The following OTOF variants were observed in gnomAD, a reference collection of about 807,000 sequenced individuals.
The protein encoded by OTOF is fer-1-like family member 2.
A neutral mutation model predicts 236.8 loss-of-function variants in OTOF; 218 were observed. The ratio of observed to expected loss-of-function variants is 0.92; its 90% confidence interval spans 0.82 to 1.03. OTOF has a LOEUF of 1.03. Ranked by LOEUF, OTOF falls within the 50% of genes least tolerant of loss-of-function variation. The probability of loss-of-function intolerance (pLI) is 0.00; values close to 1 mark genes in which losing one functional copy is unlikely to be tolerated. For synonymous variants in OTOF, 1,041 were observed against 1,072.5 expected (o/e 0.97, Z 0.57); for missense variants, 2,590 against 2,694.4 (o/e 0.96, Z 0.86).
rs759001130 is a variant in OTOF at position 26,462,090 on chromosome 2, C to A, written c.5284G>T (p.Val1762Leu). The A allele has an allele frequency of 1.9e-6, 3 of 1,611,486 alleles. No individual in the cohort carries two copies. Among genetic ancestry groups the A allele is most frequent in the African/African-American group, 2.7e-5 (2 of 74,800 alleles). The change falls in exon 42 of 47, where the codon GTG becomes TTG. Residue 1762 changes from valine (V) to leucine (L), a missense_variant. Coordinates refer to ENST00000272371, the MANE Select transcript of OTOF (RefSeq NM_194248.3). This position sits in a 1 kb window ranked among gnomAD's most constrained non-coding sequence, Gnocchi z 4.7. ...FTGEKSSDIF[V>L]RGWLKGQQED... ...CAGGGACTGCTCACCCACCCCCTCA[C>A]GAAGATGTCACTGGACTTCTCCCCT...
Position 26,467,143 on chromosome 2 carries a change from C to T in OTOF, c.4318G>A (p.Glu1440Lys). The change falls in exon 35 of 47, where the codon GAG becomes AAG. Residue 1440 changes from glutamate to lysine, a missense_variant. Glu to Lys is a moderately conservative substitution (Grantham distance 56, BLOSUM62 1). Transcript: ENST00000272371. The stretch of plus-strand genomic sequence containing the variant: ...CGCTCCTCCTCGGTGGAGCCATCCT[C>T]ATCATCCCCGGTCTTGCCCCGAAGC... ...NLLRGKTGDD[E>K]DGSTEEERIV... is the part of the protein sequence containing the mutation. 3 of 1,614,116 alleles carry T rather than the reference C, an allele frequency of 1.9e-6. No homozygotes were observed. Among genetic ancestry groups the T allele is most frequent in the African/African-American group, 1.3e-5 (1 of 75,046 alleles).
In OTOF at chr2:26,479,331, C is replaced by T. The variant is rs147657016; in HGVS notation, c.2147G>A (p.Ser716Asn). ...LERKPCIYIK[S>N]WWPDQRRRLY... ...GCGGCGGCGCTGGTCCGGCCACCAG[C>T]TCTTGATGTAGATGCAGGGCTTTCG... Residue 716 changes from serine to asparagine, a missense_variant, in exon 18 of 47, where the codon AGC becomes AAC. Coordinates refer to ENST00000272371, the MANE Select transcript of OTOF (RefSeq NM_194248.3). The T allele has an allele frequency of 8.1e-6, 13 of 1,612,800 alleles. No homozygotes were observed. In the African/African-American group the frequency reaches 1.3e-4, roughly 17 times the overall value.
intron 5 of OTOF, chr2:26,510,556 TG>T: frequency 5.2e-6 from 2 of 387,614 alleles, no homozygotes; most frequent in Non-Finnish European, 9.6e-6. Context: ...AAGGCCTCCC[TG>T]GGCCTCCATG....
In OTOF at chr2:26,476,874, C is replaced by T; in HGVS notation, c.2676+17G>A. 3 of 1,605,292 alleles carry T rather than the reference C, an allele frequency of 1.9e-6. No homozygotes were observed. The highest frequency in any genetic ancestry group is 2.5e-6 in the Non-Finnish European group (3 of 1,179,116). On this transcript the variant is annotated intron_variant, in intron 22 of 46. Coordinates refer to ENST00000272371, the MANE Select transcript of OTOF (RefSeq NM_194248.3). The stretch of plus-strand genomic sequence containing the variant: ...TGAAAGGACCCAGGCCCCCATCCAT[C>T]CTGCCCCCTCCAGCACCTTAAGGAA...
Position 26,474,504 on chromosome 2 carries a change from C to A in OTOF, c.3288+9G>T. On this transcript the variant is annotated intron_variant, in intron 26 of 46. Coordinates refer to ENST00000272371, the MANE Select transcript of OTOF (RefSeq NM_194248.3). ...CCCAGGCCTCAGCCCCTCTTCCCTGCAGTCCCACCTGCAGCAGCTCGAAGG... is the reference window on the plus strand; with the variant it reads ...CCCAGGCCTCAGCCCCTCTTCCCTGAAGTCCCACCTGCAGCAGCTCGAAGG... The A allele has an allele frequency of 6.3e-7, 1 of 1,592,694 alleles. No individual in the cohort carries two copies. The highest frequency in any genetic ancestry group is 8.5e-7 in the Non-Finnish European group (1 of 1,169,662).
At chr2:26,537,615 C>T in intron 2 of OTOF, 101 bp downstream of exon 2, 1 of 878,924 alleles carries the variant, frequency 1.1e-6, no homozygotes, top group Non-Finnish European at 1.9e-6. Context: ...CAGGCCAGTG[C>T]CTGGGATTTG....
chr2:26,463,931 CA>C (rs1245854823), intron 40 of OTOF, 32 bp downstream of exon 40: 1 of 1,612,764 alleles, frequency 6.2e-7, no homozygotes, highest in East Asian at 2.2e-5. Context: ...CCCCAATACC[CA>C]AGAACCCCAG....
intron 2 of OTOF, among the ~76,000 whole-genome samples, chr2:26,534,632 T>G (rs1343501652): frequency 6.6e-6 from 1 of 152,190 alleles, no homozygotes; most frequent in Non-Finnish European, 1.5e-5. Context: ...GTGAGAGACA[T>G]TTGCTTTCTT....
rs199687628 is a variant in OTOF, at chr2:26,489,746, G to A, written c.898-6C>T. On this transcript the variant is annotated splice_region_variant and splice_polypyrimidine_tract_variant and intron_variant, in intron 9 of 46. Transcript: ENST00000272371. ...TGGAAGTCGAAGACGAAGTACTGGA[G>A]GGGGAAGGATCCAGGCCTGCTGTCA... 26 of 1,610,878 alleles carry A rather than the reference G, an allele frequency of 1.6e-5. No individual in the cohort carries two copies. Among genetic ancestry groups the A allele is most frequent in the Non-Finnish European group, 2.0e-5 (24 of 1,178,062 alleles).
intron 8 of OTOF, among the ~76,000 whole-genome samples, chr2:26,499,895 A>G (rs1481981121): frequency 6.6e-6 from 1 of 152,236 alleles, no homozygotes; most frequent in African/African-American, 2.4e-5. Context: ...TTAATTGTGA[A>G]TGAACTTGTC....
At chr2:26,541,715 T>C (rs1296048140) in intron 1 of OTOF, among the ~76,000 whole-genome samples, 1 of 152,250 alleles carries the variant, frequency 6.6e-6, no homozygotes, top group Non-Finnish European at 1.5e-5. Context: ...CTTGTTGACA[T>C]TCCAGCTTCA....
chr2:26,477,955 G>C lies in OTOF; in HGVS notation c.2215-206C>G. The C allele has an allele frequency of 6.8e-7, 1 of 1,462,978 alleles. No homozygotes were observed. The highest frequency in any genetic ancestry group is 9.0e-7 in the Non-Finnish European group (1 of 1,110,242). The allele number at this position is 1,462,978 out of a possible 1,614,324, so 90.6% of individuals were successfully genotyped here. Reference sequence around the variant, plus strand: ...ACCTGGAGATGTTGGTGTTCATGGGGGTTCTTCAGTTCCTGAAGGAAGAAG... The same window carrying C: ...ACCTGGAGATGTTGGTGTTCATGGGCGTTCTTCAGTTCCTGAAGGAAGAAG... On this transcript the variant is annotated intron_variant, in intron 18 of 46. Transcript: ENST00000272371. The surrounding 1 kb of genome is among the most constrained non-coding windows in gnomAD (Gnocchi z 4.7).
chr2:26,526,450 G>A (rs1666806587), intron 3 of OTOF, among the ~76,000 whole-genome samples: 1 of 152,170 alleles, frequency 6.6e-6, no homozygotes, highest in Non-Finnish European at 1.5e-5. Flanking sequence ...TTGATGGACA[G>A]ACAAATGGAT....
At chr2:26,492,536 C>T (rs536283151) in intron 9 of OTOF, among the ~76,000 whole-genome samples, 2 of 152,292 alleles carry the variant, frequency 1.3e-5, no homozygotes, top group South Asian at 2.1e-4. Flanking sequence ...AGGGGACCTG[C>T]GCAGGGCGGA....
chr2:26,491,791 C>G (rs1170882570), intron 9 of OTOF, among the ~76,000 whole-genome samples: 1 of 152,244 alleles, frequency 6.6e-6, no homozygotes, highest in East Asian at 1.9e-4. Flanking sequence ...CAGGGCCAGG[C>G]AGGGTGATCA....
chr2:26,477,728 G>A lies in OTOF; in HGVS notation c.2236C>T (p.Gln746Ter), dbSNP rs770374932. 2 of 1,612,712 alleles carry A rather than the reference G, an allele frequency of 1.2e-6. No individual in the cohort carries two copies. The highest frequency in any genetic ancestry group is 1.1e-5 in the South Asian group (1 of 91,090). ...DKLEEGLNDI[Q>*]EMIKTEKSYP... ...GACTTCTCCGTTTTGATCATCTCCT[G>A]TATGTCGTTCAGGCCTTCTTCCTGT... The change falls in exon 19 of 47, where the codon CAG becomes TAG. Residue 746 changes from glutamine (Q) to a stop codon, truncating the protein, a stop_gained. Coordinates refer to ENST00000272371, the MANE Select transcript of OTOF (RefSeq NM_194248.3). LOFTEE classifies it high-confidence loss of function. This position sits in a 1 kb window ranked among gnomAD's most constrained non-coding sequence, Gnocchi z 4.7.
At chr2:26,475,534 G>C (rs556992358) in intron 24 of OTOF, 41 bp from the exon 25 acceptor site, 169 of 1,605,228 alleles carry the variant, frequency 1.1e-4, no homozygotes, top group Non-Finnish European at 1.2e-4. Context: ...AGTGACAGAG[G>C]GGGGGGCAGA....
chr2:26,460,272 G>T lies in OTOF; in HGVS notation c.5814-67C>A, dbSNP rs1383901663. On this transcript the variant is annotated intron_variant, in intron 45 of 46. Coordinates refer to ENST00000272371, the MANE Select transcript of OTOF (RefSeq NM_194248.3). The surrounding 1 kb of genome is among the most constrained non-coding windows in gnomAD (Gnocchi z 5.3). ...GGAGAAGGGATTGGGTGTGGCGAGG[G>T]GCCAAGACCAAGAGGGAAGCTGTCC... 6.9e-6 allele frequency: 9 copies of T among 1,311,548 alleles called. No homozygotes were observed. Among genetic ancestry groups the T allele is most frequent in the Non-Finnish European group, 8.6e-6 (8 of 928,388 alleles). 81.2% of individuals were successfully genotyped at this position (1,311,548 alleles called of 1,614,324 possible).
chr2:26,524,100 C>T (rs190737753), intron 3 of OTOF, among the ~76,000 whole-genome samples: 1 of 152,372 alleles, frequency 6.6e-6, no homozygotes, highest in East Asian at 1.9e-4. Context: ...CAGGCCTGGG[C>T]CTCCCCTTGT....
Sources: allele counts gnomAD v4.1 joint callset (sites outside exome capture counted in the v4.1 genomes callset), GRCh38; gene constraint gnomAD v4.1.1; non-coding constraint Gnocchi (gnomAD v3.1); transcripts MANE v1.5; gene names NCBI Gene and HGNC (gene_info 2026-07-23, HGNC 2026-07-21).